The following CD4 variants were observed in gnomAD, a reference collection of about 807,000 sequenced individuals.
CD4 encodes the protein CD4 molecule.
CD4 carries 25 observed loss-of-function variants against 50.5 expected under a neutral mutation model. The observed-to-expected ratio is 0.49, with a 90% CI of 0.36 to 0.69. The LOEUF is 0.69. Among genes scored for constraint, CD4 ranks in the 30% least tolerant of loss-of-function variants. The pLI is 0.00. For missense variants in CD4, 456 were observed against 548.5 expected (o/e 0.83, Z 1.68); for synonymous variants, 207 against 221.9 (o/e 0.93, Z 0.60).
At chr12:6,803,263 G>A (rs1163687732) in intron 3 of CD4, among the ~76,000 whole-genome samples, 2 of 152,048 alleles carry the variant, frequency 1.3e-5, no homozygotes, top group Non-Finnish European at 2.9e-5. Flanking sequence ...TGATTCTCCT[G>A]CCTCAGCCTC....
At chr12:6,810,098 C>A (rs1390143284) in intron 3 of CD4, among the ~76,000 whole-genome samples, 1 of 152,130 alleles carries the variant, frequency 6.6e-6, no homozygotes, top group Non-Finnish European at 1.5e-5. Flanking sequence ...CCATGTTGGC[C>A]AGGCTGGTCT....
chr12:6,818,462 A>C lies in CD4; in HGVS notation c.1198A>C (p.Ile400Leu). The C allele has an allele frequency of 6.2e-7, 1 of 1,612,872 alleles. No homozygotes were observed. The highest frequency in any genetic ancestry group is 8.5e-7 in the Non-Finnish European group (1 of 1,179,986). The change falls in exon 8 of 10, where the codon ATT becomes CTT. Residue 400 changes from isoleucine to leucine, a missense_variant. Ile to Leu is a conservative substitution (Grantham distance 5). Coordinates refer to ENST00000011653, the MANE Select transcript of CD4 (RefSeq NM_000616.5). This position sits in a 1 kb window ranked among gnomAD's most constrained non-coding sequence, Gnocchi z 5.0. The part of the protein sequence containing the change: ...WSTPVQPMAL[I>L]VLGGVAGLLL... ...CACCCCGGTGCAGCCAATGGCCCTGATTGTGCTGGGGGGCGTCGCCGGCCT... is the reference window on the plus strand; with the variant it reads ...CACCCCGGTGCAGCCAATGGCCCTGCTTGTGCTGGGGGGCGTCGCCGGCCT...
chr12:6,814,804 C>T lies in CD4; in HGVS notation c.419C>T (p.Thr140Ile). The T allele has an allele frequency of 6.2e-7, 1 of 1,613,742 alleles. No homozygotes were observed. Among genetic ancestry groups the T allele is most frequent in the South Asian group, 1.1e-5 (1 of 91,084 alleles). ...DTHLLQGQSL[T>I]LTLESPPGSS... ...CACCTGCTTCAGGGGCAGAGCCTGA[C>T]CCTGACCTTGGAGAGCCCCCCTGGT... The change falls in exon 5 of 10, where the codon ACC becomes ATC. Residue 140 changes from threonine to isoleucine, a missense_variant. Transcript: ENST00000011653.
In CD4 at chr12:6,806,420, G is replaced by T. The variant is rs149076134; in HGVS notation, c.214+5949G>T. 7.4e-3 allele frequency among the ~76,000 whole-genome samples: 1,127 copies of T among 152,198 alleles called. 16 individuals carry two copies. The highest frequency in any genetic ancestry group is 0.025 in the African/African-American group (1,035 of 41,510). On this transcript the variant is annotated intron_variant, in intron 3 of 9. Transcript: ENST00000011653. ...AGAATCACTGAGCCAGGGAGGCAGA[G>T]GTTGCAGTGAGCCAAGATGTTGCCT...
Position 6,819,933 on chromosome 12 carries a change from A to G in CD4, c.*604A>G, listed in dbSNP as rs1236882556. On this transcript the variant is annotated 3_prime_UTR_variant, in exon 10 of 10. Transcript: ENST00000011653. Reference sequence around the variant, plus strand: ...TACACGGCCTCAAGGGATGTCTCACATCCTCTGTCTATTTGAGACTTAGAA... The same window carrying G: ...TACACGGCCTCAAGGGATGTCTCACGTCCTCTGTCTATTTGAGACTTAGAA... The G allele has an allele frequency of 6.5e-6, 1 of 152,942 alleles. No homozygotes were observed. Among genetic ancestry groups the G allele is most frequent in the East Asian group, 1.9e-4 (1 of 5,202 alleles). 9.5% of individuals were successfully genotyped at this position (152,942 alleles called of 1,614,324 possible). A position where few individuals can be genotyped will look rare whatever the true frequency, so the allele number is the denominator to read the frequency against.
intron 5 of CD4, 163 bp from the exon 6 acceptor site, chr12:6,815,893 G>A: frequency 6.6e-7 from 1 of 1,522,322 alleles, no homozygotes; most frequent in Non-Finnish European, 8.8e-7. Context: ...AGGGAGAGAA[G>A]GCTGGAGAGG....
chr12:6,792,152 G>A lies in CD4; in HGVS notation c.-68+2490G>A, dbSNP rs544498047. On this transcript the variant is annotated intron_variant, in intron 1 of 9. Coordinates refer to ENST00000011653, the MANE Select transcript of CD4 (RefSeq NM_000616.5). The surrounding 1 kb of genome is among the most constrained non-coding windows in gnomAD (Gnocchi z 4.1). ...GGGTGAACGCGGTGGGGCACATCCC[G>A]CGGCTGGGCTTGAGTGGGCTGCTTG... is the stretch of plus-strand genomic sequence containing the variant. 2.6e-5 allele frequency among the ~76,000 whole-genome samples: 4 copies of A among 152,250 alleles called. No individual in the cohort carries two copies. The highest frequency in any genetic ancestry group is 2.1e-4 in the South Asian group (1 of 4,830).
intron 1 of CD4, among the ~76,000 whole-genome samples, chr12:6,794,775 G>GTTTTGTTTTTTTTTT (rs1942313259): frequency 8.9e-6 from 1 of 112,542 alleles, no homozygotes; most frequent in African/African-American, 3.2e-5. Context: ...CTGTATGTCT[G>GTTTTGTTTTTTTTTT]TTTTTTTTTT....
Position 6,816,411 on chromosome 12 carries a change from G to A in CD4, c.955+8G>A. ...ACCTGGTGGTGATGAGAGGTGAGGG[G>A]CCAGGCCAGGGAGGGGTGGGCAGGG... is the stretch of plus-strand genomic sequence containing the variant. On this transcript the variant is annotated splice_region_variant and intron_variant, in intron 6 of 9. Transcript: ENST00000011653. The surrounding 1 kb of genome is among the most constrained non-coding windows in gnomAD (Gnocchi z 4.9). 2 of 1,602,990 alleles carry A rather than the reference G, an allele frequency of 1.2e-6. No individual in the cohort carries two copies. The highest frequency in any genetic ancestry group is 1.7e-6 in the Non-Finnish European group (2 of 1,172,558).
In CD4 at chr12:6,818,776, C is replaced by A. The variant is rs1429610048; in HGVS notation, c.1279-71C>A. ...TTCTCCTGTCGCAGCTTCCCCCACT[C>A]CCCCCACCAAGGGGCACCTCCCTTC... On this transcript the variant is annotated intron_variant, in intron 8 of 9. Transcript: ENST00000011653. The surrounding 1 kb of genome is among the most constrained non-coding windows in gnomAD (Gnocchi z 5.0). 1.4e-6 allele frequency: 2 copies of A among 1,403,572 alleles called. No individual in the cohort carries two copies. The highest frequency in any genetic ancestry group is 2.8e-5 in the African/African-American group (2 of 70,720). 86.9% of individuals were successfully genotyped at this position (1,403,572 alleles called of 1,614,324 possible).
intron 1 of CD4, among the ~76,000 whole-genome samples, chr12:6,790,941 T>C (rs28989527): frequency 7.0e-4 from 107 of 152,362 alleles, no homozygotes; most frequent in African/African-American, 2.5e-3. Flanking sequence ...AAGTCACTGC[T>C]ACTTCACATT....
chr12:6,814,273 G>A lies in CD4; in HGVS notation c.346G>A (p.Glu116Lys). 2 of 1,614,114 alleles carry A rather than the reference G, an allele frequency of 1.2e-6. No homozygotes were observed. Among genetic ancestry groups the A allele is most frequent in the Non-Finnish European group, 1.7e-6 (2 of 1,179,994 alleles). ...TYICEVEDQK[E>K]EVQLLVFGLT... The stretch of plus-strand genomic sequence containing the variant: ...CATCTGTGAAGTGGAGGACCAGAAG[G>A]AGGAGGTGCAATTGCTAGTGTTCGG... The change falls in exon 4 of 10, where the codon GAG (glutamate) becomes AAG (lysine). Residue 116 changes from glutamate (E) to lysine (K), a missense_variant. Coordinates refer to ENST00000011653, the MANE Select transcript of CD4 (RefSeq NM_000616.5).
At chr12:6,805,617 A>T (rs1555116048) in intron 3 of CD4, among the ~76,000 whole-genome samples, 1 of 152,118 alleles carries the variant, frequency 6.6e-6, no homozygotes, top group Non-Finnish European at 1.5e-5. Context: ...AAACTACACG[A>T]TGCTGATTAA....
At chr12:6,791,639 G>C (rs890980534) in intron 1 of CD4, among the ~76,000 whole-genome samples, 6 of 152,328 alleles carry the variant, frequency 3.9e-5, no homozygotes, top group Admixed American at 6.5e-5. Context: ...CCAGCCCTTT[G>C]AGAGGCCGAG....
intron 1 of CD4, among the ~76,000 whole-genome samples, chr12:6,790,393 CT>C (rs1942121665): frequency 6.6e-6 from 1 of 152,230 alleles, no homozygotes; most frequent in Non-Finnish European, 1.5e-5. Context: ...CACTTCTACT[CT>C]AGTTAGCTTT....
At chr12:6,811,491 C>CTTTTTTTTTTTTTTTTTTTTTTTTTTTTT (rs11318741) in intron 3 of CD4, among the ~76,000 whole-genome samples, 1 of 111,024 alleles carries the variant, frequency 9.0e-6, no homozygotes, top group Non-Finnish European at 1.7e-5. Context: ...TTTTCTTTTT[C>CTTTTTTTTTTTTTTTTTTTTTTTTTTTTT]TTTTTTTTTT....
At position 6,816,530 on chromosome 12, in the gene CD4, G is replaced by A; in HGVS notation, c.955+127G>A. ...GGCCCTGGTCACCTGGATGAAGTGA[G>A]GGAGGGCCCTCTGGGTTTGGGGCTG... On this transcript the variant is annotated intron_variant, in intron 6 of 9. Transcript: ENST00000011653. This position sits in a 1 kb window ranked among gnomAD's most constrained non-coding sequence, Gnocchi z 4.9. The A allele has an allele frequency of 1.3e-6, 1 of 775,540 alleles. No individual in the cohort carries two copies. The highest frequency in any genetic ancestry group is 2.0e-6 in the Non-Finnish European group (1 of 488,026). The allele number at this position is 775,540 out of a possible 1,614,324, so 48.0% of individuals were successfully genotyped here. A position where few individuals can be genotyped will look rare whatever the true frequency, so the allele number is the denominator to read the frequency against.
At chr12:6,814,607 A>G (rs971801018) in intron 4 of CD4, 152 bp from the exon 5 acceptor site, 2 of 744,324 alleles carry the variant, frequency 2.7e-6, no homozygotes, top group Non-Finnish European at 4.8e-6. Context: ...GGGGAGAGGG[A>G]AACCCTATCT....
chr12:6,794,859 A>C (rs1395243935), intron 1 of CD4, among the ~76,000 whole-genome samples: 2 of 141,564 alleles, frequency 1.4e-5, no homozygotes, highest in Non-Finnish European at 3.0e-5. Flanking sequence ...ATCTCAGCTC[A>C]CTGCTGAACC....
Sources: gnomAD v4.1 joint callset for allele counts (sites outside exome capture counted in the v4.1 genomes callset) on GRCh38, gnomAD v4.1.1 for gene constraint, Gnocchi (gnomAD v3.1) non-coding constraint, MANE v1.5 for transcripts, NCBI Gene and HGNC (gene_info 2026-07-23, HGNC 2026-07-21) for gene names.